The following BORCS5 variants were observed in gnomAD, a reference collection of about 807,000 sequenced individuals.
BORCS5 encodes BLOC-1 related complex subunit 5.
BORCS5 carries 17 observed loss-of-function variants against 22.1 expected under a neutral mutation model. That is an observed-to-expected ratio of 0.77 (90% confidence interval 0.53 to 1.15). The LOEUF is 1.15. BORCS5 is among the 50% of genes most tolerant of loss of function. The pLI is 0.00. For synonymous variants in BORCS5, 117 were observed against 99.8 expected, an observed-to-expected ratio of 1.17 and a Z score of -1.03; for missense variants, 247 against 253.2, an observed-to-expected ratio of 0.98 and a Z score of 0.17.
At position 12,412,240 on chromosome 12, in the gene BORCS5, A is replaced by G. The variant is rs528617028; in HGVS notation, c.203-23388A>G. Among the ~76,000 whole-genome samples the G allele has an allele frequency of 2.6e-4, 39 of 152,306 alleles. No homozygotes were observed. The South Asian group carries it at 7.0e-3, about 27-fold the overall frequency. On this transcript the variant is annotated intron_variant, in intron 2 of 3. Coordinates refer to ENST00000314565, the MANE Select transcript of BORCS5 (RefSeq NM_058169.6). Reference sequence around the variant, plus strand: ...TGACATCTTAATATTAAATCTTCCAATCAATGACTATGGGGTGTCTTAACA... The same window carrying G: ...TGACATCTTAATATTAAATCTTCCAGTCAATGACTATGGGGTGTCTTAACA...
At chr12:12,420,039 C>G (rs1942073112) in intron 2 of BORCS5, among the ~76,000 whole-genome samples, 1 of 151,954 alleles carries the variant, frequency 6.6e-6, no homozygotes, top group Admixed American at 6.6e-5. Context: ...TGCAGAAGCT[C>G]TTTAGTTTAA....
chr12:12,424,648 T>G (rs1942232598), intron 2 of BORCS5, among the ~76,000 whole-genome samples: 1 of 151,882 alleles, frequency 6.6e-6, no homozygotes, highest in Non-Finnish European at 1.5e-5. Context: ...TCCAGTAATA[T>G]GGTAACTGTG....
chr12:12,378,791 G>T lies in BORCS5; in HGVS notation c.202+17442G>T, dbSNP rs570844870. Among the ~76,000 whole-genome samples the T allele has an allele frequency of 2.6e-5, 4 of 151,472 alleles. 1 individual carries two copies. Among genetic ancestry groups the T allele is most frequent in the African/African-American group, 9.7e-5 (4 of 41,268 alleles). On this transcript the variant is annotated intron_variant, in intron 2 of 3. Coordinates refer to ENST00000314565, the MANE Select transcript of BORCS5 (RefSeq NM_058169.6). ...TTACATACTATGTTAATATTAAGGGGAAGCTGCTGAGGGTGTAGTGGTGAG... is the reference window on the plus strand; with the variant it reads ...TTACATACTATGTTAATATTAAGGGTAAGCTGCTGAGGGTGTAGTGGTGAG...
At chr12:12,460,953 G>A (rs1166007588) in intron 3 of BORCS5, among the ~76,000 whole-genome samples, 2 of 152,180 alleles carry the variant, frequency 1.3e-5, no homozygotes, top group African/African-American at 2.4e-5. Context: ...TCCATATAAG[G>A]TATTTGGAAC....
chr12:12,414,770 G>A (rs1252836799), intron 2 of BORCS5, among the ~76,000 whole-genome samples: 12 of 132,964 alleles, frequency 9.0e-5, no homozygotes, highest in South Asian at 2.3e-4. Flanking sequence ...GCTGCCGGAC[G>A]GAGGGGCTCC....
At chr12:12,417,869 T>C (rs1942009760) in intron 2 of BORCS5, among the ~76,000 whole-genome samples, 1 of 152,138 alleles carries the variant, frequency 6.6e-6, no homozygotes, top group African/African-American at 2.4e-5. Flanking sequence ...CTCGAACTCC[T>C]GAGCTCAAGC....
intron 3 of BORCS5, among the ~76,000 whole-genome samples, chr12:12,442,904 G>A (rs1384505692): frequency 6.6e-6 from 1 of 152,210 alleles, no homozygotes; most frequent in Non-Finnish European, 1.5e-5. Flanking sequence ...GTACCGTAAT[G>A]TTTAAGACCC....
intron 2 of BORCS5, among the ~76,000 whole-genome samples, chr12:12,362,306 C>G (rs919655466): frequency 2.6e-5 from 4 of 152,122 alleles, no homozygotes; most frequent in African/African-American, 4.8e-5. Context: ...TTACACTGTT[C>G]CACACTATTT....
intron 2 of BORCS5, among the ~76,000 whole-genome samples, chr12:12,366,241 T>C (rs1863404559): frequency 1.3e-5 from 2 of 152,236 alleles, no homozygotes; most frequent in Admixed American, 1.3e-4. Context: ...AACAATATAT[T>C]GAAGTATTAC....
At chr12:12,412,070 GTTC>G (rs1941749427) in intron 2 of BORCS5, among the ~76,000 whole-genome samples, 1 of 152,060 alleles carries the variant, frequency 6.6e-6, no homozygotes, top group Non-Finnish European at 1.5e-5. Context: ...CTCCAGCTTT[GTTC>G]TTCTTTTCAG....
intron 3 of BORCS5, among the ~76,000 whole-genome samples, chr12:12,443,739 T>A (rs1041029945): frequency 6.6e-6 from 1 of 152,252 alleles, no homozygotes; most frequent in Admixed American, 6.5e-5. Flanking sequence ...CAATGACATA[T>A]GAGCATGTGT....
In BORCS5 at chr12:12,402,763, C is replaced by A. The variant is rs1941506762; in HGVS notation, c.203-32865C>A. On this transcript the variant is annotated intron_variant, in intron 2 of 3. Transcript: ENST00000314565. ...AACAAAAGTCTCCCTAAAAATAATTCCAGAAGTATTTGAACTTTATTTCTC... is the reference window on the plus strand; with the variant it reads ...AACAAAAGTCTCCCTAAAAATAATTACAGAAGTATTTGAACTTTATTTCTC... Among the ~76,000 whole-genome samples the A allele has an allele frequency of 3.3e-5, 5 of 152,304 alleles. No homozygotes were observed. In the South Asian group the frequency reaches 1.0e-3, roughly 32 times the overall value.
chr12:12,406,646 A>AAAAAAAAACAAACAAAC (rs1941601880), intron 2 of BORCS5, among the ~76,000 whole-genome samples: 1 of 27,920 alleles, frequency 3.6e-5, no homozygotes, highest in African/African-American at 4.1e-4. Context: ...ACAAACAAAC[A>AAAAAAAAACAAACAAAC]AAAAAAAAAC....
Position 12,361,330 on chromosome 12 carries a change from C to T in BORCS5, c.183C>T (p.Thr61=). ...PDVIKLQEIP[T]FQPLLKGLLS... ...TCATCAAGTTGCAAGAGATTCCAACCTTCCAGCCCCTTTTGAAAGGTAAAG... is the reference window on the plus strand; with the variant it reads ...TCATCAAGTTGCAAGAGATTCCAACTTTCCAGCCCCTTTTGAAAGGTAAAG... Residue 61 remains threonine, a synonymous_variant, in exon 2 of 4, where the codon ACC becomes ACT. Coordinates refer to ENST00000314565, the MANE Select transcript of BORCS5 (RefSeq NM_058169.6). 1 of 1,614,126 alleles carries T rather than the reference C, an allele frequency of 6.2e-7. No homozygotes were observed.
chr12:12,377,679 A>G (rs1863685806), intron 2 of BORCS5, among the ~76,000 whole-genome samples: 1 of 152,144 alleles, frequency 6.6e-6, no homozygotes, highest in African/African-American at 2.4e-5. Flanking sequence ...AGGGTATTGT[A>G]TGTAAACCAA....
intron 2 of BORCS5, among the ~76,000 whole-genome samples, chr12:12,381,204 T>TA (rs1326557676): frequency 6.6e-6 from 1 of 151,170 alleles, no homozygotes; most frequent in African/African-American, 2.4e-5. Context: ...TTCACCATGT[T>TA]GGCCAGGCTG....
Position 12,470,018 on chromosome 12 carries a change from G to C in BORCS5, c.*4242G>C, listed in dbSNP as rs537297543. The stretch of plus-strand genomic sequence containing the variant: ...GTACCCATCTGTGGCGTGTGAGGAA[G>C]TGTGCTGCACAGCAGGAGGTGAGCG... On this transcript the variant is annotated 3_prime_UTR_variant, in exon 4 of 4. Coordinates refer to ENST00000314565, the MANE Select transcript of BORCS5 (RefSeq NM_058169.6). 6.6e-6 allele frequency among the ~76,000 whole-genome samples: 1 copy of C among 152,188 alleles called. No individual in the cohort carries two copies. The highest frequency in any genetic ancestry group is 2.4e-5 in the African/African-American group (1 of 41,448).
chr12:12,365,198 G>A (rs761092545), intron 2 of BORCS5, among the ~76,000 whole-genome samples: 12 of 152,076 alleles, frequency 7.9e-5, no homozygotes, highest in Non-Finnish European at 1.6e-4. Flanking sequence ...ATAGGAAGAG[G>A]TTATCGGGGA....
rs1414346586 is a variant in BORCS5 at position 12,470,628 on chromosome 12, C to T, written c.*4852C>T. ...CTTCTATGAAATGGGTCCCTGGTGC[C>T]AGAAAGGTTGGGGACTGCTGTCATA... On this transcript the variant is annotated 3_prime_UTR_variant, in exon 4 of 4. Transcript: ENST00000314565. Among the ~76,000 whole-genome samples, 1 of 151,288 alleles carries T rather than the reference C, an allele frequency of 6.6e-6. No individual in the cohort carries two copies. The highest frequency in any genetic ancestry group is 1.5e-5 in the Non-Finnish European group (1 of 67,952).
Sources: gnomAD v4.1 joint callset for allele counts (sites outside exome capture counted in the v4.1 genomes callset) on GRCh38, gnomAD v4.1.1 for gene constraint, MANE v1.5 for transcripts, NCBI Gene and HGNC (gene_info 2026-07-23, HGNC 2026-07-21) for gene names.